Variants in FBXW11 observed in about 807,000 individuals in gnomAD.
The protein encoded by FBXW11 is F-box/WD repeat-containing protein 11.
A neutral mutation model predicts 77.6 loss-of-function variants in FBXW11; 19 were observed. The ratio of observed to expected loss-of-function variants is 0.24; its 90% CI spans 0.17 to 0.36. FBXW11 has a LOEUF of 0.36. Among genes scored for constraint, FBXW11 ranks in the 10% least tolerant of loss-of-function variants. The pLI is 1.00. For synonymous variants in FBXW11, 235 were observed against 249.4 expected (o/e 0.94, Z 0.54); for missense variants, 334 against 704.2 (o/e 0.47, Z 5.95).
intron 6 of FBXW11, among the ~76,000 whole-genome samples, chr5:171,892,147 T>G (rs1273268262): frequency 1.3e-5 from 2 of 152,226 alleles, no homozygotes; most frequent in Non-Finnish European, 2.9e-5. Flanking sequence ...CCTCTTATCA[T>G]TCATGCAACA....
intron 1 of FBXW11, chr5:171,977,633 T>TA (rs777645516): frequency 2.7e-5 from 12 of 451,146 alleles, no homozygotes; most frequent in South Asian, 1.1e-4. Flanking sequence ...TAACTGGACT[T>TA]ACAGTTCCAC....
At chr5:171,997,145 T>C (rs955223516) in intron 1 of FBXW11, 7 of 1,102,152 alleles carry the variant, frequency 6.4e-6, no homozygotes, top group African/African-American at 1.6e-5. Flanking sequence ...AATGGAATGG[T>C]GGATCTGAGG....
At chr5:171,930,311 C>G (rs938426866) in intron 2 of FBXW11, among the ~76,000 whole-genome samples, 1 of 152,208 alleles carries the variant, frequency 6.6e-6, no homozygotes, top group African/African-American at 2.4e-5. Context: ...AAACCTACAG[C>G]TAACATCATA....
intron 4 of FBXW11, among the ~76,000 whole-genome samples, chr5:171,902,046 C>T (rs540914312): frequency 2.6e-5 from 4 of 152,220 alleles, no homozygotes; most frequent in Non-Finnish European, 5.9e-5. Context: ...AGCACTGATG[C>T]CGCATCAATA....
chr5:172,000,052 CA>C (rs1370649728), intron 1 of FBXW11, among the ~76,000 whole-genome samples: 1 of 152,196 alleles, frequency 6.6e-6, no homozygotes, highest in East Asian at 1.9e-4. Context: ...CATTTGCCTA[CA>C]AAGACAAACT....
intron 2 of FBXW11, among the ~76,000 whole-genome samples, chr5:171,938,006 G>A (rs1762564950): frequency 6.6e-6 from 1 of 152,032 alleles, no homozygotes; most frequent in African/African-American, 2.4e-5. Context: ...TTTAAATTGA[G>A]GGAAGTAAAA....
intron 2 of FBXW11, among the ~76,000 whole-genome samples, chr5:171,932,780 C>G (rs1209910001): frequency 6.6e-6 from 1 of 151,676 alleles, no homozygotes; most frequent in Non-Finnish European, 1.5e-5. Context: ...CACATAACTG[C>G]TAAAACTTGG....
chr5:171,916,886 T>A (rs1761291653), intron 2 of FBXW11, among the ~76,000 whole-genome samples: 1 of 151,972 alleles, frequency 6.6e-6, no homozygotes, highest in South Asian at 2.1e-4. Context: ...GTATATATGG[T>A]TTTGTTTTGT....
chr5:171,940,824 T>C (rs1383029724), intron 2 of FBXW11, among the ~76,000 whole-genome samples: 4 of 150,950 alleles, frequency 2.6e-5, no homozygotes, highest in African/African-American at 9.8e-5. Flanking sequence ...GAGATGGAGG[T>C]TGCAGTGAGC....
intron 2 of FBXW11, among the ~76,000 whole-genome samples, chr5:171,950,581 A>C (rs1311440034): frequency 2.0e-5 from 3 of 152,054 alleles, no homozygotes; most frequent in Non-Finnish European, 4.4e-5. Context: ...GGGTGAGCCC[A>C]TTTCCTCTAT....
intron 1 of FBXW11, among the ~76,000 whole-genome samples, chr5:171,967,861 T>C (rs1385919958): frequency 4.1e-5 from 1 of 24,670 alleles, no homozygotes; most frequent in African/African-American, 8.6e-5. Context: ...AATGCATATA[T>C]ATATATATAT....
intron 7 of FBXW11, among the ~76,000 whole-genome samples, chr5:171,879,862 A>AT (rs1012392178): frequency 6.6e-6 from 1 of 152,028 alleles, no homozygotes; most frequent in African/African-American, 2.4e-5. Context: ...TTTTGCATAC[A>AT]TTTTCTCTAG....
intron 2 of FBXW11, among the ~76,000 whole-genome samples, chr5:171,925,092 G>A (rs901906947): frequency 7.2e-5 from 11 of 152,122 alleles, no homozygotes; most frequent in African/African-American, 2.4e-4. Context: ...GGCGGAGCGC[G>A]GCCCTGGGCA....
intron 9 of FBXW11, among the ~76,000 whole-genome samples, chr5:171,874,304 CCA>C (rs1757935402): frequency 6.6e-6 from 1 of 152,118 alleles, no homozygotes; most frequent in African/African-American, 2.4e-5. Flanking sequence ...CAAAGCAAAA[CCA>C]CAGAGTACCA....
At chr5:171,895,655 A>T (rs531989727) in intron 6 of FBXW11, among the ~76,000 whole-genome samples, 1 of 152,256 alleles carries the variant, frequency 6.6e-6, no homozygotes, top group African/African-American at 2.4e-5. Context: ...TAGGGCTGTT[A>T]TAACAACTCC....
chr5:171,956,011 ACT>A (rs1239391669), intron 2 of FBXW11, among the ~76,000 whole-genome samples: 1 of 152,132 alleles, frequency 6.6e-6, no homozygotes, highest in Non-Finnish European at 1.5e-5. Flanking sequence ...TTGGCCAATT[ACT>A]TTTAACTGAA....
rs1760355735 is a variant in FBXW11, at chr5:171,904,654, C to T, written c.437-4554G>A. Among the ~76,000 whole-genome samples, 2 of 152,102 alleles carry T rather than the reference C, an allele frequency of 1.3e-5. No individual in the cohort carries two copies. Among genetic ancestry groups the T allele is most frequent in the South Asian group, 4.2e-4 (2 of 4,816 alleles). ...TGGTGGGATCTCAGCTCACTGCAAC[C>T]TCCACCTCCTGGGTTCAAGCGATTC... is the stretch of plus-strand genomic sequence containing the variant. On this transcript the variant is annotated intron_variant, in intron 4 of 13. Transcript: ENST00000517395. The surrounding 1 kb of genome is among the most constrained non-coding windows in gnomAD (Gnocchi z 4.0).
chr5:171,987,514 A>T (rs1449992083), intron 1 of FBXW11, among the ~76,000 whole-genome samples: 1 of 151,996 alleles, frequency 6.6e-6, no homozygotes, highest in African/African-American at 2.4e-5. Flanking sequence ...GCAGTGGCAC[A>T]ATCTCAGCTC....
chr5:171,883,392 C>T (rs898334402), intron 7 of FBXW11, among the ~76,000 whole-genome samples: 6 of 152,086 alleles, frequency 3.9e-5, no homozygotes, highest in Non-Finnish European at 8.8e-5. Context: ...TGTGGGGAGG[C>T]GGGAGGGATA....
Sources: gnomAD v4.1 joint callset for allele counts (sites outside exome capture counted in the v4.1 genomes callset) on GRCh38, gnomAD v4.1.1 for gene constraint, Gnocchi (gnomAD v3.1) non-coding constraint, MANE v1.5 for transcripts, NCBI Gene and HGNC (gene_info 2026-07-23, HGNC 2026-07-21) for gene names.